Variants in WWC1 observed in about 807,000 individuals in gnomAD.
WWC1 encodes WW and C2 domain containing 1, also known as protein KIBRA.
A neutral mutation model predicts 138.4 loss-of-function variants in WWC1; 55 were observed. That is an observed-to-expected ratio of 0.40 (90% CI 0.32 to 0.50). The LOEUF is 0.50. Ranked by LOEUF, WWC1 falls within the 20% of genes least tolerant of loss-of-function variation. The pLI is 0.72. For missense variants in WWC1, 1,226 were observed against 1,420.4 expected, an observed-to-expected ratio of 0.86 and a Z score of 2.20; for synonymous variants, 524 against 564.9, an observed-to-expected ratio of 0.93 and a Z score of 1.03.
rs367731917 is a variant in WWC1, at chr5:168,468,953, A to C, written c.3278A>C (p.Glu1093Ala). ...TAAAGGGATGGCCTCTCTTATAGGG[A>C]GAAGATGGCATTTTTCACCCGGCCT... ...KEPPEVQSFR[E>A]KMAFFTRPRM... Residue 1093 changes from glutamate to alanine, a missense_variant and splice_region_variant, in exon 23 of 23, where the codon GAG (glutamate) becomes GCG (alanine). By Grantham distance (107) the Glu-to-Ala change is moderately radical. Around this residue, in one of 3 missense-constraint regions of WWC1, gnomAD observed 206 missense variants for 247.4 expected, o/e 0.83. Coordinates refer to ENST00000265293, the MANE Select transcript of WWC1 (RefSeq NM_015238.3). The C allele has an allele frequency of 1.2e-6, 2 of 1,614,096 alleles. No individual in the cohort carries two copies. The highest frequency in any genetic ancestry group is 2.7e-5 in the African/African-American group (2 of 74,938).
intron 21 of WWC1, among the ~76,000 whole-genome samples, chr5:168,467,120 T>C (rs896110576): frequency 6.6e-6 from 1 of 152,112 alleles, no homozygotes; most frequent in Non-Finnish European, 1.5e-5. Context: ...TAGCCGGGCA[T>C]GGTGGCGGGC....
At chr5:168,299,875 T>C (rs4976590) in intron 1 of WWC1, among the ~76,000 whole-genome samples, 50,094 of 151,960 alleles carry the variant, frequency 0.33, 11,165 homozygotes, top group East Asian at 0.72. Flanking sequence ...TGGCTGTCCA[T>C]GACGTGTATC....
Position 168,441,633 on chromosome 5 carries a change from G to C in WWC1, c.2281-49G>C, listed in dbSNP as rs542075746. ...CTTGAACCAAATTCCCTGACACCTG[G>C]TGTCCCCCCCACCGCCACTTATGTT... is the stretch of plus-strand genomic sequence containing the variant. On this transcript the variant is annotated intron_variant, in intron 15 of 22. Transcript: ENST00000265293. 3.8e-6 allele frequency: 6 copies of C among 1,589,950 alleles called. No individual in the cohort carries two copies. In the Admixed American group the frequency reaches 1.0e-4, roughly 27 times the overall value.
chr5:168,306,150 C>T (rs1316478780), intron 1 of WWC1, among the ~76,000 whole-genome samples: 3 of 152,166 alleles, frequency 2.0e-5, no homozygotes, highest in Non-Finnish European at 4.4e-5. Context: ...GTAATCCCAA[C>T]ACTTTGGGAG....
At chr5:168,396,367 A>C (rs1561703257) in intron 3 of WWC1, among the ~76,000 whole-genome samples, 1 of 152,000 alleles carries the variant, frequency 6.6e-6, no homozygotes, top group African/African-American at 2.4e-5. Flanking sequence ...TGGGCAATAG[A>C]GTAAGACTTC....
chr5:168,404,238 C>T (rs1159996300), intron 5 of WWC1, among the ~76,000 whole-genome samples: 2 of 152,222 alleles, frequency 1.3e-5, no homozygotes, highest in Non-Finnish European at 2.9e-5. Context: ...CAACAACTCC[C>T]TGCAGCCCCT....
At chr5:168,421,356 G>A (rs180714594) in intron 9 of WWC1, among the ~76,000 whole-genome samples, 162 of 152,360 alleles carry the variant, frequency 1.1e-3, no homozygotes, top group Non-Finnish European at 2.0e-3. Flanking sequence ...TCACTTGACT[G>A]GAAGAGGCTC....
chr5:168,434,275 G>C (rs1782172748), intron 15 of WWC1, among the ~76,000 whole-genome samples: 1 of 152,218 alleles, frequency 6.6e-6, no homozygotes, highest in Admixed American at 6.5e-5. Context: ...GCGGCCAATG[G>C]GAAACCTCCT....
At chr5:168,419,241 C>G (rs889824640) in intron 9 of WWC1, among the ~76,000 whole-genome samples, 1 of 152,176 alleles carries the variant, frequency 6.6e-6, no homozygotes, top group African/African-American at 2.4e-5. Context: ...ATCAACTAGT[C>G]AGTCATCCCC....
At chr5:168,467,109 T>G (rs555611250) in intron 21 of WWC1, among the ~76,000 whole-genome samples, 7 of 152,220 alleles carry the variant, frequency 4.6e-5, no homozygotes, top group African/African-American at 1.7e-4. Flanking sequence ...ATACAAAAAA[T>G]TAGCCGGGCA....
intron 1 of WWC1, among the ~76,000 whole-genome samples, chr5:168,348,029 TAAC>T (rs1440935668): frequency 6.6e-6 from 1 of 152,228 alleles, no homozygotes; most frequent in Non-Finnish European, 1.5e-5. Flanking sequence ...TCTGCTATGA[TAAC>T]AGAGTATTGA....
At chr5:168,339,832 T>TTCTTTC (rs796623514) in intron 1 of WWC1, among the ~76,000 whole-genome samples, 698 of 48,354 alleles carry the variant, frequency 0.014, 6 homozygotes, top group South Asian at 0.06. Flanking sequence ...CTTTCTTTCT[T>TTCTTTC]TTTCTTTTCT....
chr5:168,440,218 A>G (rs150120185), intron 15 of WWC1, among the ~76,000 whole-genome samples: 21 of 152,338 alleles, frequency 1.4e-4, no homozygotes, highest in African/African-American at 5.1e-4. Context: ...CAACATTACT[A>G]GTTATCAGAG....
chr5:168,468,116 C>T lies in WWC1; in HGVS notation c.3275+152C>T, dbSNP rs745343879. The stretch of plus-strand genomic sequence containing the variant: ...TCATCCTCCGCCAAGCCATCCCTGG[C>T]GATCCATGAGCTCTGCAGCGCTCTT... On this transcript the variant is annotated intron_variant, in intron 22 of 22. Transcript: ENST00000265293. 3.6e-4 allele frequency: 469 copies of T among 1,300,984 alleles called. 1 individual carries two copies. The highest frequency in any genetic ancestry group is 4.6e-4 in the Non-Finnish European group (433 of 948,842). 80.6% of individuals were successfully genotyped at this position (1,300,984 alleles called of 1,614,324 possible).
chr5:168,301,301 C>A (rs1228065343), intron 1 of WWC1, among the ~76,000 whole-genome samples: 2 of 152,160 alleles, frequency 1.3e-5, no homozygotes, highest in African/African-American at 4.8e-5. Flanking sequence ...CCATAAAGAT[C>A]ATTAGAGGAC....
At chr5:168,418,706 C>T (rs1780852842) in intron 9 of WWC1, among the ~76,000 whole-genome samples, 1 of 152,116 alleles carries the variant, frequency 6.6e-6, no homozygotes, top group Non-Finnish European at 1.5e-5. Context: ...CAGCACACAC[C>T]TCTGTGGCTT....
At chr5:168,442,310 G>C (rs371837308) in intron 16 of WWC1, among the ~76,000 whole-genome samples, 4 of 151,992 alleles carry the variant, frequency 2.6e-5, no homozygotes, top group Non-Finnish European at 4.4e-5. Flanking sequence ...AGCCTTAAAA[G>C]GTTGTTATGA....
chr5:168,415,265 T>C (rs1780517335), intron 9 of WWC1: 1 of 152,212 alleles, frequency 6.6e-6, no homozygotes, highest in African/African-American at 2.4e-5. Context: ...AGTGCAGGCC[T>C]CGGGCTGCCA....
intron 20 of WWC1, 21 bp from the exon 21 acceptor site, chr5:168,464,707 GA>G: frequency 6.2e-7 from 1 of 1,613,884 alleles, no homozygotes; most frequent in South Asian, 1.1e-5. Context: ...AATAACAAGA[GA>G]AGCCGTCCCC....
Sources: allele counts gnomAD v4.1 joint callset (sites outside exome capture counted in the v4.1 genomes callset), GRCh38; gene constraint gnomAD v4.1.1; regional missense constraint gnomAD v4.1.1; transcripts MANE v1.5; gene names NCBI Gene and HGNC (gene_info 2026-07-23, HGNC 2026-07-21).